TSPAN18: variants seen among roughly 807,000 people sequenced by gnomAD.
The protein encoded by TSPAN18 is tetraspanin 18, also known as tetraspanin-18.
Under a neutral mutation model 27.3 loss-of-function variants are expected in TSPAN18, and 14 were observed. That is an observed-to-expected ratio of 0.51 (90% confidence interval 0.34 to 0.80). TSPAN18 has a LOEUF of 0.80. TSPAN18 is among the 30% of genes least tolerant of loss of function. TSPAN18 has a pLI of 0.01. For synonymous variants in TSPAN18, 143 were observed against 136.5 expected (o/e 1.05, Z -0.33); for missense variants, 268 against 323.9 (o/e 0.83, Z 1.32).
At chr11:44,800,769 G>C (rs1186191474) in intron 2 of TSPAN18, among the ~76,000 whole-genome samples, 1 of 152,204 alleles carries the variant, frequency 6.6e-6, no homozygotes, top group Non-Finnish European at 1.5e-5. Context: ...GGACAGGTGG[G>C]GGCAGGGACT....
At chr11:44,908,806 A>AGAAAGAAG (rs1554938120) in intron 4 of TSPAN18, among the ~76,000 whole-genome samples, 1 of 114,484 alleles carries the variant, frequency 8.7e-6, no homozygotes, top group African/African-American at 3.9e-5. Context: ...AAAGAAAGAA[A>AGAAAGAAG]GAAAGAAAGA....
At chr11:44,761,693 A>G (rs1295794005) in intron 1 of TSPAN18, among the ~76,000 whole-genome samples, 1 of 152,224 alleles carries the variant, frequency 6.6e-6, no homozygotes, top group Admixed American at 6.5e-5. Context: ...GCATGGCTGC[A>G]GCTTTTAATT....
At chr11:44,911,458 C>T (rs1159927178) in intron 5 of TSPAN18, among the ~76,000 whole-genome samples, 2 of 152,144 alleles carry the variant, frequency 1.3e-5, no homozygotes, top group Admixed American at 6.5e-5. Context: ...TTCAACAGCG[C>T]AAACACTGCA....
chr11:44,909,183 T>G (rs1264257945), intron 4 of TSPAN18, among the ~76,000 whole-genome samples: 1 of 152,206 alleles, frequency 6.6e-6, no homozygotes, highest in Non-Finnish European at 1.5e-5. Flanking sequence ...GGTCTGTGTC[T>G]TCCCAGCCCC....
chr11:44,908,831 A>AAAGAAAGGGAG (rs1590671474), intron 4 of TSPAN18, among the ~76,000 whole-genome samples: 1 of 96,160 alleles, frequency 1.0e-5, no homozygotes, highest in African/African-American at 4.2e-5. Flanking sequence ...AAGAAAGAAA[A>AAAGAAAGGGAG]AGAAAAATGG....
chr11:44,826,435 A>C (rs1478996683), intron 2 of TSPAN18, among the ~76,000 whole-genome samples: 1 of 152,214 alleles, frequency 6.6e-6, no homozygotes, highest in East Asian at 1.9e-4. Context: ...TCAAAAAAGA[A>C]AAGAAAAAAG....
chr11:44,875,634 C>T (rs1858310047), intron 3 of TSPAN18, among the ~76,000 whole-genome samples: 1 of 152,208 alleles, frequency 6.6e-6, no homozygotes, highest in African/African-American at 2.4e-5. Context: ...CTTGTAACTA[C>T]CTTGGGAGTC....
chr11:44,738,564 G>GT (rs1395381987), intron 1 of TSPAN18, among the ~76,000 whole-genome samples: 1 of 152,176 alleles, frequency 6.6e-6, no homozygotes, highest in Non-Finnish European at 1.5e-5. Flanking sequence ...CATGACCATG[G>GT]TGTTGGCAGG....
At chr11:44,782,585 A>G (rs944730685) in intron 2 of TSPAN18, among the ~76,000 whole-genome samples, 1 of 151,590 alleles carries the variant, frequency 6.6e-6, no homozygotes, top group African/African-American at 2.4e-5. Context: ...ACTGACTGCC[A>G]AGCTGTTTTC....
intron 2 of TSPAN18, among the ~76,000 whole-genome samples, chr11:44,845,550 A>G (rs835792): frequency 0.88 from 133,430 of 152,240 alleles, 58,531 homozygotes; most frequent in East Asian, 0.93. Context: ...CCACTTTGCC[A>G]TGGGATAGAT....
At chr11:44,917,056 G>A (rs1269179247) in intron 5 of TSPAN18, among the ~76,000 whole-genome samples, 1 of 152,206 alleles carries the variant, frequency 6.6e-6, no homozygotes, top group African/African-American at 2.4e-5. Flanking sequence ...TAAGAGTCCT[G>A]CACCAACACC....
At chr11:44,786,569 G>C (rs994769678) in intron 2 of TSPAN18, among the ~76,000 whole-genome samples, 1 of 151,110 alleles carries the variant, frequency 6.6e-6, no homozygotes, top group African/African-American at 2.4e-5. Context: ...AGTTGCCCCA[G>C]GATCTAGGGT....
chr11:44,732,515 G>A (rs185915700), intron 1 of TSPAN18, among the ~76,000 whole-genome samples: 1 of 152,214 alleles, frequency 6.6e-6, no homozygotes, highest in East Asian at 1.9e-4. Context: ...AAAGCCCCAG[G>A]AATGATATCT....
intron 2 of TSPAN18, among the ~76,000 whole-genome samples, chr11:44,846,546 T>C (rs1217286079): frequency 6.6e-6 from 1 of 152,042 alleles, no homozygotes; most frequent in Non-Finnish European, 1.5e-5. Context: ...GCCCGAATAT[T>C]TAACAGAAAC....
intron 2 of TSPAN18, among the ~76,000 whole-genome samples, chr11:44,785,140 G>C (rs1045659754): frequency 6.6e-6 from 1 of 152,108 alleles, no homozygotes; most frequent in African/African-American, 2.4e-5. Context: ...GTTAAATGTT[G>C]ATGAGATGCA....
intron 2 of TSPAN18, among the ~76,000 whole-genome samples, chr11:44,799,608 A>T (rs972249310): frequency 6.6e-6 from 1 of 152,170 alleles, no homozygotes; most frequent in African/African-American, 2.4e-5. Flanking sequence ...GGGCACATCG[A>T]TTGGGTGTTT....
intron 2 of TSPAN18, among the ~76,000 whole-genome samples, chr11:44,857,995 G>T (rs771076270): frequency 6.6e-6 from 1 of 152,180 alleles, no homozygotes; most frequent in Non-Finnish European, 1.5e-5. Flanking sequence ...GAGAGCTTCC[G>T]CTCATAAAGC....
At chr11:44,908,836 A>AG (rs1859603511) in intron 4 of TSPAN18, among the ~76,000 whole-genome samples, 1 of 150,286 alleles carries the variant, frequency 6.7e-6, no homozygotes, top group African/African-American at 2.4e-5. Flanking sequence ...AGAAAAAGAA[A>AG]AATGGAGCAG....
At chr11:44,814,720 T>A (rs570843343) in intron 2 of TSPAN18, among the ~76,000 whole-genome samples, 1 of 152,140 alleles carries the variant, frequency 6.6e-6, no homozygotes, top group East Asian at 1.9e-4. Flanking sequence ...CAATGGTAAA[T>A]GGTGTGGCCA....
Sources: allele counts gnomAD v4.1 joint callset (sites outside exome capture counted in the v4.1 genomes callset), GRCh38; gene constraint gnomAD v4.1.1; transcripts MANE v1.5; gene names NCBI Gene and HGNC (gene_info 2026-07-23, HGNC 2026-07-21).